USH2A: variants seen among roughly 807,000 people sequenced by gnomAD.
The protein encoded by USH2A is Usher syndrome 2A (autosomal recessive, mild).
USH2A carries 443 observed loss-of-function variants against 538.9 expected under a neutral mutation model. That is an observed-to-expected ratio of 0.82 (90% confidence interval 0.76 to 0.89). USH2A has a LOEUF of 0.89. USH2A is among the 40% of genes least tolerant of loss of function. The probability of loss-of-function intolerance (pLI) is 0.00; values close to 1 mark genes in which losing one functional copy is unlikely to be tolerated. For synonymous variants in USH2A, 2,413 were observed against 2,273.5 expected (o/e 1.06, Z -1.75); for missense variants, 6,633 against 6,324.8 (o/e 1.05, Z -1.65).
At chr1:215,951,338 C>T (rs979233525) in intron 37 of USH2A, among the ~76,000 whole-genome samples, 15 of 152,146 alleles carry the variant, frequency 9.9e-5, no homozygotes, top group African/African-American at 3.4e-4. Flanking sequence ...GAGCAGGTTG[C>T]TCAGTTTCCA....
At chr1:216,422,653 A>C (rs1476588189) in intron 1 of USH2A, 113 bp from the exon 2 acceptor site, 1 of 319,412 alleles carries the variant, frequency 3.1e-6, no homozygotes, top group East Asian at 6.7e-5. Context: ...TGAACTTCTC[A>C]AAAAACATTT....
Position 215,763,486 on chromosome 1 carries a change from A to G in USH2A, c.11047+3195T>C, listed in dbSNP as rs575403181. Among the ~76,000 whole-genome samples, 4 of 151,504 alleles carry G rather than the reference A, an allele frequency of 2.6e-5. No homozygotes were observed. The South Asian group carries it at 8.4e-4, about 32-fold the overall frequency. On this transcript the variant is annotated intron_variant, in intron 56 of 71. Transcript: ENST00000307340. The stretch of plus-strand genomic sequence containing the variant: ...AGTTCAGGCTGAGGGGAACCCACAT[A>G]AAGTCGTAGAAATGTGGGCAAGGAT...
At position 216,073,189 on chromosome 1, in the gene USH2A, T is replaced by A; in HGVS notation, c.5684A>T (p.Asp1895Val). The A allele has an allele frequency of 6.2e-7, 1 of 1,613,854 alleles. No individual in the cohort carries two copies. Among genetic ancestry groups the A allele is most frequent in the Non-Finnish European group, 8.5e-7 (1 of 1,179,938 alleles). ...RVNLDGCLST[D>V]SAVNCRGNDS... ...ATTTCCCCTGCAGTTAACAGCACTG[T>A]CAGTTGATAGGCATCCATCCAGATT... The change falls in exon 28 of 72, where the codon GAC becomes GTC. Residue 1895 changes from aspartate to valine, a missense_variant. By Grantham distance (152) the Asp-to-Val change is radical. Transcript: ENST00000307340.
chr1:216,189,535 G>T (rs1047130604), intron 20 of USH2A, among the ~76,000 whole-genome samples: 1 of 151,826 alleles, frequency 6.6e-6, no homozygotes, highest in South Asian at 2.1e-4. Context: ...ATGTAATCAG[G>T]TTTGTATGAA....
At chr1:216,254,503 A>T (rs1352091229) in intron 11 of USH2A, among the ~76,000 whole-genome samples, 1 of 152,208 alleles carries the variant, frequency 6.6e-6, no homozygotes. Context: ...AAATACTAGC[A>T]CATATAATGC....
At chr1:216,241,119 C>A (rs1448510019) in intron 13 of USH2A, among the ~76,000 whole-genome samples, 1 of 152,046 alleles carries the variant, frequency 6.6e-6, no homozygotes, top group African/African-American at 2.4e-5. Context: ...ATAAAGAAAT[C>A]TCTGAATACT....
intron 49 of USH2A, among the ~76,000 whole-genome samples, chr1:215,802,350 A>G (rs944003413): frequency 2.0e-5 from 3 of 152,090 alleles, no homozygotes; most frequent in African/African-American, 7.2e-5. Context: ...GAGAAAATAT[A>G]TTAAAATTAT....
chr1:215,876,733 A>G (rs1048348856), intron 43 of USH2A, among the ~76,000 whole-genome samples: 2 of 152,198 alleles, frequency 1.3e-5, no homozygotes, highest in African/African-American at 4.8e-5. Flanking sequence ...AAGGCCTCCT[A>G]GAGGAAGAAA....
intron 11 of USH2A, among the ~76,000 whole-genome samples, chr1:216,288,528 T>A (rs187898868): frequency 5.5e-4 from 84 of 152,318 alleles, no homozygotes; most frequent in African/African-American, 1.7e-3. Context: ...ATTCTATAAC[T>A]GGATTGTGGT....
chr1:215,943,671 A>C (rs1478193775), intron 37 of USH2A, among the ~76,000 whole-genome samples: 2 of 152,142 alleles, frequency 1.3e-5, no homozygotes, highest in Non-Finnish European at 2.9e-5. Flanking sequence ...AGATGCCTCT[A>C]AAATTGTTGA....
At chr1:216,301,478 G>A (rs1230983735) in intron 9 of USH2A, among the ~76,000 whole-genome samples, 1 of 152,148 alleles carries the variant, frequency 6.6e-6, no homozygotes, top group African/African-American at 2.4e-5. Flanking sequence ...TAATCTCCAT[G>A]TTTATACTGG....
intron 60 of USH2A, among the ~76,000 whole-genome samples, chr1:215,736,808 T>C (rs1660168235): frequency 1.3e-5 from 2 of 151,998 alleles, no homozygotes; most frequent in Admixed American, 6.6e-5. Context: ...AATGAAAATA[T>C]TGAGCTGACA....
At chr1:215,679,337 G>T (rs113474140) in intron 62 of USH2A, among the ~76,000 whole-genome samples, 143 of 152,318 alleles carry the variant, frequency 9.4e-4, no homozygotes, top group African/African-American at 3.4e-3. Context: ...GCAAAGAAAA[G>T]GGTAGTGTGT....
chr1:216,333,983 T>A (rs375308612), intron 4 of USH2A, among the ~76,000 whole-genome samples: 19 of 152,196 alleles, frequency 1.2e-4, no homozygotes, highest in African/African-American at 4.6e-4. Context: ...GCTGATATGA[T>A]AGGATATTAG....
chr1:216,246,934 A>G lies in USH2A; in HGVS notation c.2460T>C (p.Asn820=), dbSNP rs781373128. Residue 820 remains asparagine, a synonymous_variant, in exon 13 of 72, where the codon AAT becomes AAC. Coordinates refer to ENST00000307340, the MANE Select transcript of USH2A (RefSeq NM_206933.4). ...AKTGQCICKP[N]VEGRQCNKCL... ...ATTTATTGCACTGTCTCCCTTCAAC[A>G]TTGGGCTTGCAGATGCACTGCCCTG... 6.0e-5 allele frequency: 97 copies of G among 1,614,142 alleles called. 3 individuals carry two copies. In the South Asian group the frequency reaches 1.1e-3, roughly 18 times the overall value.
chr1:215,799,638 A>T (rs74447991), intron 49 of USH2A, among the ~76,000 whole-genome samples: 5,173 of 152,238 alleles, frequency 0.034, 98 homozygotes, highest in African/African-American at 0.05. Context: ...TATGTCACAC[A>T]CTGAATTTTA....
At chr1:215,761,536 T>G (rs563339222) in intron 56 of USH2A, among the ~76,000 whole-genome samples, 2 of 152,200 alleles carry the variant, frequency 1.3e-5, no homozygotes, top group Non-Finnish European at 1.5e-5. Flanking sequence ...TCAATGTATC[T>G]CTATGGATAA....
chr1:216,086,926 G>C lies in USH2A; in HGVS notation c.4886-106C>G, dbSNP rs534299854. 1.9e-5 allele frequency: 16 copies of C among 824,820 alleles called. No individual in the cohort carries two copies. In the African/African-American group the frequency reaches 2.5e-4, roughly 13 times the overall value. 51.1% of individuals were successfully genotyped at this position (824,820 alleles called of 1,614,324 possible). A position where few individuals can be genotyped will look rare whatever the true frequency, so the allele number is the denominator to read the frequency against. ...CAGCCTTTGGGATACCACTCTCTTG[G>C]TTTTCCTCTCTCCTCATTGCCTGTT... On this transcript the variant is annotated intron_variant, in intron 23 of 71. Coordinates refer to ENST00000307340, the MANE Select transcript of USH2A (RefSeq NM_206933.4).
In USH2A at chr1:215,625,477, A is replaced by C; in HGVS notation, c.*304T>G. The stretch of plus-strand genomic sequence containing the variant: ...ATCTTGAAATTGCCACTGATTATTC[A>C]GTTAACCAGGAGCATCACTGCCAAA... On this transcript the variant is annotated 3_prime_UTR_variant, in exon 72 of 72. Coordinates refer to ENST00000307340, the MANE Select transcript of USH2A (RefSeq NM_206933.4). 1 of 409,538 alleles carries C rather than the reference A, an allele frequency of 2.4e-6. No individual in the cohort carries two copies. The allele number at this position is 409,538 out of a possible 1,614,324, so 25.4% of individuals were successfully genotyped here.
Sources: gnomAD v4.1 joint callset for allele counts (sites outside exome capture counted in the v4.1 genomes callset) on GRCh38, gnomAD v4.1.1 for gene constraint, MANE v1.5 for transcripts, NCBI Gene and HGNC (gene_info 2026-07-23, HGNC 2026-07-21) for gene names.